Variants in ZNF462 observed in about 807,000 individuals in gnomAD.
ZNF462 encodes zinc finger protein 462.
A neutral mutation model predicts 201.9 loss-of-function variants in ZNF462; 10 were observed. The ratio of observed to expected loss-of-function variants is 0.05; its 90% CI spans 0.03 to 0.08. The LOEUF (loss-of-function observed/expected upper bound fraction) is 0.08. Ranked by LOEUF, ZNF462 falls within the 10% of genes least tolerant of loss-of-function variation. The pLI is 1.00. For missense variants in ZNF462, 2,523 were observed against 3,168.3 expected (o/e 0.80, Z 4.89); for synonymous variants, 1,227 against 1,193.3 (o/e 1.03, Z -0.58).
At chr9:106,952,290 T>A (rs952695715) in intron 7 of ZNF462, among the ~76,000 whole-genome samples, 1 of 152,216 alleles carries the variant, frequency 6.6e-6, no homozygotes, top group Admixed American at 6.5e-5. Context: ...ATGGGGTTAT[T>A]TCAAGGATCA....
intron 1 of ZNF462, among the ~76,000 whole-genome samples, chr9:106,896,090 A>G (rs1202226345): frequency 1.3e-5 from 2 of 152,132 alleles, no homozygotes; most frequent in African/African-American, 4.8e-5. Context: ...ATGCCTTATT[A>G]TAGAGTGTTT....
In ZNF462 at chr9:107,009,491, C is replaced by G; in HGVS notation, c.7190-54C>G. 6.2e-7 allele frequency: 1 copy of G among 1,608,682 alleles called. No individual in the cohort carries two copies. Among genetic ancestry groups the G allele is most frequent in the Admixed American group, 1.7e-5 (1 of 59,760 alleles). Reference sequence around the variant, plus strand: ...GGTATCCTAATGAATGCTGACTTACCTATTCTGCTGATTCCCACAGCACAC... The same window carrying G: ...GGTATCCTAATGAATGCTGACTTACGTATTCTGCTGATTCCCACAGCACAC... On this transcript the variant is annotated intron_variant, in intron 11 of 12. Coordinates refer to ENST00000277225, the MANE Select transcript of ZNF462 (RefSeq NM_021224.6). This position sits in a 1 kb window ranked among gnomAD's most constrained non-coding sequence, Gnocchi z 6.1.
chr9:106,894,814 CATT>C (rs1423083231), intron 1 of ZNF462, among the ~76,000 whole-genome samples: 1 of 152,022 alleles, frequency 6.6e-6, no homozygotes, highest in Non-Finnish European at 1.5e-5. Flanking sequence ...TGAAATATCT[CATT>C]AGTAAGTTTT....
chr9:106,994,553 A>G (rs1467222607), intron 10 of ZNF462, among the ~76,000 whole-genome samples: 1 of 152,024 alleles, frequency 6.6e-6, no homozygotes, highest in Non-Finnish European at 1.5e-5. Flanking sequence ...CTTTAGCTTT[A>G]TCAACAGCAA....
chr9:107,009,644 A>C lies in ZNF462; in HGVS notation c.7289A>C (p.Glu2430Ala). Residue 2430 changes from glutamate to alanine, a missense_variant, in exon 12 of 13, where the codon GAA (glutamate) becomes GCA (alanine). Around this residue, in one of 15 missense-constraint regions of ZNF462, gnomAD observed 228 missense variants for 361.2 expected, o/e 0.63. Coordinates refer to ENST00000277225, the MANE Select transcript of ZNF462 (RefSeq NM_021224.6). The surrounding 1 kb of genome is among the most constrained non-coding windows in gnomAD (Gnocchi z 6.1). ...GRAFSQGSEW[E>A]RHVLRHGMAL... The stretch of plus-strand genomic sequence containing the variant: ...GCGTTTTCACAGGGCTCTGAGTGGG[A>C]AAGACATGTGCTGAGACACGGCATG... The C allele has an allele frequency of 6.2e-7, 1 of 1,613,714 alleles. No individual in the cohort carries two copies. Among genetic ancestry groups the C allele is most frequent in the Middle Eastern group, 1.7e-4 (1 of 5,884 alleles).
chr9:106,940,570 G>T (rs897496149), intron 7 of ZNF462, among the ~76,000 whole-genome samples: 1 of 152,134 alleles, frequency 6.6e-6, no homozygotes, highest in African/African-American at 2.4e-5. Flanking sequence ...AAGCTTGGTG[G>T]TCTTTCCTTT....
chr9:106,934,903 T>G (rs1039037692), intron 5 of ZNF462, among the ~76,000 whole-genome samples: 1 of 152,208 alleles, frequency 6.6e-6, no homozygotes, highest in African/African-American at 2.4e-5. Context: ...ATGTGCGGCC[T>G]TTTGACCACG....
At chr9:106,922,201 G>C (rs1208237510) in intron 1 of ZNF462, among the ~76,000 whole-genome samples, 1 of 152,174 alleles carries the variant, frequency 6.6e-6, no homozygotes, top group African/African-American at 2.4e-5. Context: ...TCTGGTTCTA[G>C]ATTACAGTGA....
At position 106,970,603 on chromosome 9, in the gene ZNF462, C is replaced by T. The variant is rs556242396; in HGVS notation, c.6428-1402C>T. On this transcript the variant is annotated intron_variant, in intron 7 of 12. Transcript: ENST00000277225. The surrounding 1 kb of genome is among the most constrained non-coding windows in gnomAD (Gnocchi z 4.2). The stretch of plus-strand genomic sequence containing the variant: ...CCTTTCCCCCCTGCTTTTTGAAAGG[C>T]TTAAGAAAAGAGCCCTTTGTTTTCT... 2.6e-5 allele frequency among the ~76,000 whole-genome samples: 4 copies of T among 152,214 alleles called. No homozygotes were observed. Among genetic ancestry groups the T allele is most frequent in the Non-Finnish European group, 4.4e-5 (3 of 67,986 alleles).
chr9:106,879,674 TG>T (rs1828005412), intron 1 of ZNF462, among the ~76,000 whole-genome samples: 1 of 152,118 alleles, frequency 6.6e-6, no homozygotes, highest in Non-Finnish European at 1.5e-5. Context: ...GTGCTGCAGC[TG>T]TAGTTGGTAG....
At chr9:106,912,364 C>T (rs1240844541) in intron 1 of ZNF462, among the ~76,000 whole-genome samples, 1 of 152,188 alleles carries the variant, frequency 6.6e-6, no homozygotes, top group East Asian at 1.9e-4. Context: ...AAACACACTG[C>T]TTGCATGCCT....
chr9:106,930,419 C>CCTG lies in ZNF462; in HGVS notation c.5848-103_5848-101dup. The CCTG allele has an allele frequency of 7.0e-7, 1 of 1,427,432 alleles. No homozygotes were observed. The highest frequency in any genetic ancestry group is 9.4e-7 in the Non-Finnish European group (1 of 1,058,380). 88.4% of individuals were successfully genotyped at this position (1,427,432 alleles called of 1,614,324 possible). ...CGCCTATATCTCCCTTGGTTTTTAA[C>CCTG]CTGCTAATCGGCTTTAAAATAAAGT... On this transcript the variant is annotated intron_variant, in intron 3 of 12. Transcript: ENST00000277225. This position sits in a 1 kb window ranked among gnomAD's most constrained non-coding sequence, Gnocchi z 5.8.
intron 7 of ZNF462, among the ~76,000 whole-genome samples, chr9:106,964,732 A>G (rs556430507): frequency 2.6e-5 from 4 of 152,238 alleles, no homozygotes; most frequent in East Asian, 3.9e-4. Context: ...CATAGCTTTC[A>G]TAGAAATAAC....
At position 106,882,592 on chromosome 9, in the gene ZNF462, T is replaced by C. The variant is rs934084592; in HGVS notation, c.-31+19237T>C. Among the ~76,000 whole-genome samples the C allele has an allele frequency of 9.8e-5, 15 of 152,358 alleles. No individual in the cohort carries two copies. In the East Asian group the frequency reaches 2.7e-3, roughly 27 times the overall value. ...AAGGAAAATTTGTTTGTCGGTAGCT[T>C]TTGAAAGATACTAATGTGAGGATGA... On this transcript the variant is annotated intron_variant, in intron 1 of 12. Coordinates refer to ENST00000277225, the MANE Select transcript of ZNF462 (RefSeq NM_021224.6).
Position 106,883,507 on chromosome 9 carries a change from C to A in ZNF462, c.-31+20152C>A, listed in dbSNP as rs1018115252. ...TCATTCTAAGGAGTTGCATTTTCCC[C>A]AGAATACCGTATACATAAGGCCTGC... is the stretch of plus-strand genomic sequence containing the variant. On this transcript the variant is annotated intron_variant, in intron 1 of 12. Transcript: ENST00000277225. This position sits in a 1 kb window ranked among gnomAD's most constrained non-coding sequence, Gnocchi z 4.9. Among the ~76,000 whole-genome samples the A allele has an allele frequency of 2.6e-5, 4 of 152,132 alleles. No homozygotes were observed. The highest frequency in any genetic ancestry group is 6.5e-5 in the Admixed American group (1 of 15,276).
At chr9:106,910,613 T>A (rs1423862059) in intron 1 of ZNF462, among the ~76,000 whole-genome samples, 1 of 152,126 alleles carries the variant, frequency 6.6e-6, no homozygotes, top group Admixed American at 6.5e-5. Flanking sequence ...TCTCTGAACT[T>A]CATGATTCTA....
rs530389389 is a variant in ZNF462, at chr9:106,940,817, G to C, written c.6427+1710G>C. Among the ~76,000 whole-genome samples, 14 of 152,178 alleles carry C rather than the reference G, an allele frequency of 9.2e-5. 1 individual carries two copies. The South Asian group carries it at 2.7e-3, about 29-fold the overall frequency. On this transcript the variant is annotated intron_variant, in intron 7 of 12. Coordinates refer to ENST00000277225, the MANE Select transcript of ZNF462 (RefSeq NM_021224.6). ...CTAGGGCTGGGTGAGAGTACCTGTG[G>C]AAGGGTAAAGAAAATGTCCCCTTTT...
chr9:106,946,874 T>C (rs1279611663), intron 7 of ZNF462, among the ~76,000 whole-genome samples: 2 of 152,166 alleles, frequency 1.3e-5, no homozygotes, highest in African/African-American at 4.8e-5. Flanking sequence ...ACTTTTTAGC[T>C]ACAATTATTT....
At position 106,880,937 on chromosome 9, in the gene ZNF462, A is replaced by G. The variant is rs547115063; in HGVS notation, c.-31+17582A>G. Among the ~76,000 whole-genome samples, 355 of 152,340 alleles carry G rather than the reference A, an allele frequency of 2.3e-3. No individual in the cohort carries two copies. The highest frequency in any genetic ancestry group is 4.3e-3 in the Non-Finnish European group (294 of 68,036). On this transcript the variant is annotated intron_variant, in intron 1 of 12. Coordinates refer to ENST00000277225, the MANE Select transcript of ZNF462 (RefSeq NM_021224.6). This position sits in a 1 kb window ranked among gnomAD's most constrained non-coding sequence, Gnocchi z 4.1. ...TTTCTTTAAGAATTCTGATTCCTAC[A>G]AAACAATATTGGCAGGTTTTCAAGG...
Sources: allele counts gnomAD v4.1 joint callset (sites outside exome capture counted in the v4.1 genomes callset), GRCh38; gene constraint gnomAD v4.1.1; regional missense constraint gnomAD v4.1.1; non-coding constraint Gnocchi (gnomAD v3.1); transcripts MANE v1.5; gene names NCBI Gene and HGNC (gene_info 2026-07-23, HGNC 2026-07-21).